The following KIAA1328 variants were observed in gnomAD, a reference collection of about 807,000 sequenced individuals.
KIAA1328 encodes the protein KIAA1328, also known as protein hinderin.
Under a neutral mutation model 68.1 loss-of-function variants are expected in KIAA1328, and 52 were observed. The ratio of observed to expected loss-of-function variants is 0.76; its 90% CI spans 0.61 to 0.96. The LOEUF (loss-of-function observed/expected upper bound fraction) is 0.96. KIAA1328 is among the 40% of genes least tolerant of loss of function. KIAA1328 has a pLI of 0.00. For missense variants in KIAA1328, 641 were observed against 677.6 expected (o/e 0.95, Z 0.60); for synonymous variants, 232 against 239.4 (o/e 0.97, Z 0.28).
chr18:36,948,390 T>A (rs1391167400), intron 5 of KIAA1328, among the ~76,000 whole-genome samples: 3 of 150,854 alleles, frequency 2.0e-5, no homozygotes, highest in East Asian at 2.0e-4. Flanking sequence ...GCCTCCTGAG[T>A]AGCTGGGATT....
At chr18:37,167,853 C>T (rs965165484) in intron 8 of KIAA1328, among the ~76,000 whole-genome samples, 1 of 152,128 alleles carries the variant, frequency 6.6e-6, no homozygotes, top group Non-Finnish European at 1.5e-5. Context: ...GGACCCTGCC[C>T]TTTTCATCCC....
chr18:36,984,337 A>T (rs570130973), intron 6 of KIAA1328, among the ~76,000 whole-genome samples: 2 of 152,350 alleles, frequency 1.3e-5, no homozygotes, highest in South Asian at 4.1e-4. Flanking sequence ...TATAAATAGC[A>T]TGACCATCTA....
intron 4 of KIAA1328, among the ~76,000 whole-genome samples, chr18:36,850,963 C>T (rs553911609): frequency 3.3e-5 from 5 of 152,190 alleles, no homozygotes; most frequent in Non-Finnish European, 5.9e-5. Flanking sequence ...TTCATAAGTG[C>T]CCTTTACCAT....
intron 6 of KIAA1328, among the ~76,000 whole-genome samples, chr18:37,046,928 C>G (rs929786112): frequency 6.6e-6 from 1 of 152,140 alleles, no homozygotes; most frequent in Non-Finnish European, 1.5e-5. Flanking sequence ...GTCAGTAGTT[C>G]GAGACCGGCA....
At chr18:37,196,241 G>A (rs975759126) in intron 9 of KIAA1328, among the ~76,000 whole-genome samples, 3 of 151,960 alleles carry the variant, frequency 2.0e-5, no homozygotes, top group African/African-American at 4.8e-5. Flanking sequence ...TGAACTAGGC[G>A]AATTTAATTT....
At position 36,959,340 on chromosome 18, in the gene KIAA1328, C is replaced by T. The variant is rs373706042; in HGVS notation, c.481C>T (p.Leu161Phe). Residue 161 changes from leucine to phenylalanine, a missense_variant, in exon 6 of 10, where the codon CTT (leucine) becomes TTT (phenylalanine). Transcript: ENST00000280020. ...LQLQYRECQE[L>F]LSLYQKYLSE... ...GCTACAGTATAGAGAATGCCAAGAA[C>T]TTCTAAGCCTGTATCAGAAATATTT... The T allele has an allele frequency of 1.5e-5, 24 of 1,604,348 alleles. No homozygotes were observed. The African/African-American group carries it at 3.2e-4, about 21-fold the overall frequency.
chr18:36,948,737 C>T lies in KIAA1328; in HGVS notation c.449-10571C>T, dbSNP rs553493520. On this transcript the variant is annotated intron_variant, in intron 5 of 9. Coordinates refer to ENST00000280020, the MANE Select transcript of KIAA1328 (RefSeq NM_020776.3). Reference sequence around the variant, plus strand: ...GCTAATTTTGTATTTTTAGTAGAGACGGGGTTTCTCCATGTTGGTCAGGCT... The same window carrying T: ...GCTAATTTTGTATTTTTAGTAGAGATGGGGTTTCTCCATGTTGGTCAGGCT... Among the ~76,000 whole-genome samples the T allele has an allele frequency of 4.7e-4, 71 of 152,104 alleles. 1 individual carries two copies. The highest frequency in any genetic ancestry group is 1.6e-3 in the African/African-American group (68 of 41,500).
chr18:37,056,322 T>G (rs1366941208), intron 6 of KIAA1328, among the ~76,000 whole-genome samples: 1 of 152,180 alleles, frequency 6.6e-6, no homozygotes, highest in Non-Finnish European at 1.5e-5. Context: ...TAAAATTATC[T>G]TAAAGATTTA....
chr18:36,840,945 T>C (rs939175241), intron 3 of KIAA1328, among the ~76,000 whole-genome samples: 1 of 152,130 alleles, frequency 6.6e-6, no homozygotes, highest in Non-Finnish European at 1.5e-5. Context: ...AGCAGGAATC[T>C]TCAGATTTCA....
chr18:36,843,122 C>G (rs1262430140), intron 3 of KIAA1328, among the ~76,000 whole-genome samples: 2 of 151,938 alleles, frequency 1.3e-5, no homozygotes, highest in Admixed American at 1.3e-4. Flanking sequence ...ATACCATACA[C>G]TGACTTTTAA....
chr18:36,851,877 T>C (rs756504626), intron 4 of KIAA1328, among the ~76,000 whole-genome samples: 8 of 152,024 alleles, frequency 5.3e-5, no homozygotes, highest in Non-Finnish European at 8.8e-5. Flanking sequence ...AAAGTTAAGT[T>C]ACTGATTTGA....
At chr18:36,871,061 T>G (rs1033069527) in intron 4 of KIAA1328, among the ~76,000 whole-genome samples, 1 of 152,216 alleles carries the variant, frequency 6.6e-6, no homozygotes, top group Non-Finnish European at 1.5e-5. Flanking sequence ...CTTAGATTTC[T>G]GGTTGGTTGG....
intron 8 of KIAA1328, among the ~76,000 whole-genome samples, chr18:37,163,249 A>G (rs535795951): frequency 6.6e-6 from 1 of 152,348 alleles, no homozygotes; most frequent in South Asian, 2.1e-4. Context: ...ATGGGCTAGC[A>G]GAGGCTGTGA....
At chr18:37,048,831 A>G (rs1365287808) in intron 6 of KIAA1328, among the ~76,000 whole-genome samples, 1 of 152,110 alleles carries the variant, frequency 6.6e-6, no homozygotes, top group Non-Finnish European at 1.5e-5. Context: ...AAGATAAGTT[A>G]CCTGTTAAGT....
At chr18:37,105,948 A>AAAAAAAT (rs2057763065) in intron 7 of KIAA1328, among the ~76,000 whole-genome samples, 2 of 145,466 alleles carry the variant, frequency 1.4e-5, no homozygotes, top group Non-Finnish European at 3.0e-5. Context: ...AAAAAAAAGA[A>AAAAAAAT]TTATAGTATA....
intron 6 of KIAA1328, among the ~76,000 whole-genome samples, chr18:37,043,228 A>G (rs545512292): frequency 1.3e-5 from 2 of 152,290 alleles, no homozygotes; most frequent in South Asian, 2.1e-4. Context: ...TTACAAGTCC[A>G]ATATTTGGGC....
chr18:36,882,523 T>C (rs2048357432), intron 4 of KIAA1328, among the ~76,000 whole-genome samples: 1 of 152,192 alleles, frequency 6.6e-6, no homozygotes, highest in Non-Finnish European at 1.5e-5. Flanking sequence ...TATCTTTAGA[T>C]AGGCCTATCG....
downstream of KIAA1328, among the ~76,000 whole-genome samples, chr18:37,227,007 T>A (rs1568559179): frequency 6.6e-6 from 1 of 152,206 alleles, no homozygotes; most frequent in Non-Finnish European, 1.5e-5. Flanking sequence ...CCTCAGGTGA[T>A]CCGCCTGCCT....
intron 6 of KIAA1328, among the ~76,000 whole-genome samples, chr18:37,002,706 C>CA (rs1238852333): frequency 6.6e-6 from 1 of 151,862 alleles, no homozygotes; most frequent in East Asian, 1.9e-4. Flanking sequence ...ACACAAGAAA[C>CA]AAAAAACATC....
Sources: allele counts gnomAD v4.1 joint callset (sites outside exome capture counted in the v4.1 genomes callset), GRCh38; gene constraint gnomAD v4.1.1; transcripts MANE v1.5; gene names NCBI Gene and HGNC (gene_info 2026-07-23, HGNC 2026-07-21).